Variants in KYAT1 observed in about 807,000 individuals in gnomAD.
KYAT1 encodes kynurenine--oxoglutarate transaminase 1.
In KYAT1, 47 loss-of-function variants were observed where a neutral mutation model predicts 52.4. The ratio of observed to expected loss-of-function variants is 0.90; its 90% CI spans 0.71 to 1.14. The LOEUF (loss-of-function observed/expected upper bound fraction) is 1.14. KYAT1 is among the 50% of genes most tolerant of loss of function. The probability of loss-of-function intolerance (pLI) is 0.00; values close to 1 mark genes in which losing one functional copy is unlikely to be tolerated. For synonymous variants in KYAT1, 212 were observed against 209.6 expected (o/e 1.01, Z -0.10); for missense variants, 480 against 557.9 (o/e 0.86, Z 1.41).
intron 1 of KYAT1, among the ~76,000 whole-genome samples, chr9:128,848,553 C>T (rs1833451079): frequency 6.6e-6 from 1 of 151,900 alleles, no homozygotes; most frequent in Non-Finnish European, 1.5e-5. Context: ...CATGGTGGCT[C>T]ACGCCTGTAA....
chr9:128,835,281 C>T, intron 11 of KYAT1, 42 bp downstream of exon 11: 1 of 1,549,714 alleles, frequency 6.5e-7, no homozygotes, highest in Non-Finnish European at 8.9e-7. Flanking sequence ...AGCACACAAC[C>T]TGTGAAACCA....
chr9:128,846,578 G>A (rs1417902301), intron 1 of KYAT1: 15 of 852,130 alleles, frequency 1.8e-5, no homozygotes, highest in South Asian at 6.1e-5. Flanking sequence ...ACTCCTGCCC[G>A]ACCCAACGAG....
chr9:128,836,987 C>T, intron 6 of KYAT1, 65 bp from the exon 7 acceptor site: 1 of 1,574,754 alleles, frequency 6.4e-7, no homozygotes, highest in Non-Finnish European at 8.6e-7. Flanking sequence ...GAGGCCTACT[C>T]AGAGAGGTTA....
rs1472872630 is a variant in KYAT1 at position 128,835,637 on chromosome 9, G to A, written c.886C>T (p.Gln296Ter). The A allele has an allele frequency of 6.2e-7, 1 of 1,611,158 alleles. No homozygotes were observed. The highest frequency in any genetic ancestry group is 1.7e-5 in the Admixed American group (1 of 60,012). The part of the protein sequence containing the change: ...AAVAESFERE[Q>*]LLFRQPSSYF... ...CTGCTGGGTTGGCGGAAGAGCAGCT[G>A]CTCCCGTTCAAAGCTCTCGGCTACT... The change falls in exon 10 of 13, where the codon CAG (glutamine) becomes TAG (stop). Residue 296 changes from glutamine to a stop codon, truncating the protein, a stop_gained. Transcript: ENST00000302586. LOFTEE classifies it high-confidence loss of function.
At chr9:128,839,742 TAAA>T (rs1831802829) in intron 3 of KYAT1, among the ~76,000 whole-genome samples, 1 of 152,210 alleles carries the variant, frequency 6.6e-6, no homozygotes, top group Non-Finnish European at 1.5e-5. Context: ...CACACAAATA[TAAA>T]AATTTTCTGT....
chr9:128,875,324 A>C (rs2130831470), intron 1 of KYAT1, among the ~76,000 whole-genome samples: 1 of 138,102 alleles, frequency 7.2e-6, no homozygotes, highest in South Asian at 2.3e-4. Context: ...CAGCTGTGTG[A>C]CCTTGGCTCA....
chr9:128,876,406 G>GTTT (rs1490341638), intron 1 of KYAT1, among the ~76,000 whole-genome samples: 1 of 113,168 alleles, frequency 8.8e-6, no homozygotes. Context: ...GTCATCCTTT[G>GTTT]TTCTTTTTTT....
Position 128,846,878 on chromosome 9 carries a change from C to T in KYAT1, c.-6-1467G>A, listed in dbSNP as rs753546101. 3.4e-5 allele frequency: 52 copies of T among 1,528,690 alleles called. 1 individual carries two copies. Among genetic ancestry groups the T allele is most frequent in the Middle Eastern group, 3.6e-4 (2 of 5,586 alleles). 94.7% of individuals were successfully genotyped at this position (1,528,690 alleles called of 1,614,324 possible). On this transcript the variant is annotated intron_variant, in intron 1 of 12. Coordinates refer to ENST00000302586, the MANE Select transcript of KYAT1 (RefSeq NM_004059.5). ...CCACCTGCTGTGGTCAATAGTGAAC[C>T]CTGGCTCAGGATTTTGCTCAGTTCC... is the stretch of plus-strand genomic sequence containing the variant.
chr9:128,878,261 A>G (rs1838311356), intron 1 of KYAT1, among the ~76,000 whole-genome samples: 1 of 152,044 alleles, frequency 6.6e-6, no homozygotes, highest in Non-Finnish European at 1.5e-5. Context: ...CAGCCTCCAG[A>G]GTAGCTGGGA....
chr9:128,846,893 TGCTCAGTTCCACCTC>T, intron 1 of KYAT1: 2 of 1,521,610 alleles, frequency 1.3e-6, no homozygotes, highest in Non-Finnish European at 8.8e-7. Flanking sequence ...CTCAGGATTT[TGCTCAGTTCCACCTC>T]GCTCAGTTCC....
chr9:128,840,156 G>T (rs1831880299), intron 3 of KYAT1, among the ~76,000 whole-genome samples: 1 of 152,002 alleles, frequency 6.6e-6, no homozygotes, highest in Admixed American at 6.6e-5. Flanking sequence ...TATTTAATGA[G>T]GCTGGGCACA....
intron 1 of KYAT1, among the ~76,000 whole-genome samples, chr9:128,876,409 CTT>C (rs71383618): frequency 2.4e-5 from 3 of 124,512 alleles, no homozygotes; most frequent in Admixed American, 9.1e-5. Context: ...ATCCTTTGTT[CTT>C]TTTTTTTTTT....
chr9:128,882,520 GT>G, upstream of KYAT1: 1 of 394,668 alleles, frequency 2.5e-6, no homozygotes, highest in Non-Finnish European at 4.5e-6. Flanking sequence ...GAAACCAGGA[GT>G]TTCCGCCTCG....
rs746888157 is a variant in KYAT1 at position 128,835,989 on chromosome 9, CA to C, written c.765+7del. ...GGGGGTGGTGACCTCCCACCCTCAGCAACTCACCTTCCAGCCAGTGGCGCTG... is the reference window on the plus strand; with the variant it reads ...GGGGGTGGTGACCTCCCACCCTCAGCACTCACCTTCCAGCCAGTGGCGCTG... On this transcript the variant is annotated splice_region_variant and intron_variant, in intron 8 of 12. Coordinates refer to ENST00000302586, the MANE Select transcript of KYAT1 (RefSeq NM_004059.5). 3 of 1,611,758 alleles carry C rather than the reference CA, an allele frequency of 1.9e-6. No individual in the cohort carries two copies. Among genetic ancestry groups the C allele is most frequent in the Non-Finnish European group, 2.5e-6 (3 of 1,177,978 alleles).
At position 128,868,382 on chromosome 9, in the gene KYAT1, T is replaced by G. The variant is rs145539092; in HGVS notation, c.-7+13515A>C. On this transcript the variant is annotated intron_variant, in intron 1 of 12. Transcript: ENST00000302586. ...ATCATGCCCAGCCTGGCCCACTGAT[T>G]TTTTTTTCCTTTTTTTCTTTGGTGA... 3.3e-3 allele frequency among the ~76,000 whole-genome samples: 497 copies of G among 151,952 alleles called. 2 individuals carry two copies. Among genetic ancestry groups the G allele is most frequent in the African/African-American group, 0.011 (459 of 41,442 alleles).
chr9:128,841,331 C>T (rs967843287), intron 3 of KYAT1, among the ~76,000 whole-genome samples: 7 of 152,036 alleles, frequency 4.6e-5, no homozygotes, highest in African/African-American at 1.4e-4. Flanking sequence ...GGTGAAACCC[C>T]GTCTCTACTA....
At chr9:128,874,107 T>C (rs1837621528) in intron 1 of KYAT1, among the ~76,000 whole-genome samples, 2 of 151,136 alleles carry the variant, frequency 1.3e-5, no homozygotes, top group South Asian at 4.2e-4. Context: ...TACACAAAAA[T>C]TAGCCAGGCG....
chr9:128,845,528 G>A (rs1832955050), intron 1 of KYAT1, 117 bp from the exon 2 acceptor site: 4 of 920,320 alleles, frequency 4.3e-6, no homozygotes, highest in Admixed American at 4.2e-5. Flanking sequence ...CTGCTCCCAG[G>A]AGGGGGAAGA....
chr9:128,881,785 T>C (rs1344965669), intron 1 of KYAT1, 112 bp downstream of exon 1: 1 of 152,166 alleles, frequency 6.6e-6, no homozygotes, highest in East Asian at 1.9e-4. Flanking sequence ...TTATACTTAG[T>C]AGCATCAAAC....
Sources: gnomAD v4.1 joint callset for allele counts (sites outside exome capture counted in the v4.1 genomes callset) on GRCh38, gnomAD v4.1.1 for gene constraint, MANE v1.5 for transcripts, NCBI Gene and HGNC (gene_info 2026-07-23, HGNC 2026-07-21) for gene names.